Variants in CTBP2 observed in about 807,000 individuals in gnomAD.
CTBP2 encodes the protein C-terminal binding protein 2, also known as C-terminal-binding protein 2.
In CTBP2, 30 loss-of-function variants were observed where a neutral mutation model predicts 80.3. The ratio of observed to expected loss-of-function variants is 0.37; its 90% CI spans 0.28 to 0.51. CTBP2 has a LOEUF of 0.51. CTBP2 is among the 20% of genes least tolerant of loss of function. The pLI, the probability that CTBP2 is intolerant of heterozygous loss-of-function variation, is 0.93. For missense variants in CTBP2, 1,212 were observed against 1,375.3 expected, an observed-to-expected ratio of 0.88 and a Z score of 1.88; for synonymous variants, 594 against 587.4, an observed-to-expected ratio of 1.01 and a Z score of -0.16.
intron 2 of CTBP2, among the ~76,000 whole-genome samples, chr10:125,049,460 C>T (rs1036350725): frequency 3.3e-5 from 5 of 152,198 alleles, no homozygotes; most frequent in African/African-American, 9.6e-5. Context: ...CCCCAGGCAG[C>T]GCCTCTCCAC....
intron 1 of CTBP2, among the ~76,000 whole-genome samples, chr10:125,023,812 AAT>A (rs1228097550): frequency 1.3e-5 from 2 of 152,220 alleles, no homozygotes; most frequent in Non-Finnish European, 2.9e-5. Flanking sequence ...CCGAAAATAA[AAT>A]AGATACTGAA....
At chr10:125,017,437 A>G (rs952647162) in intron 1 of CTBP2, among the ~76,000 whole-genome samples, 1 of 152,164 alleles carries the variant, frequency 6.6e-6, no homozygotes, top group African/African-American at 2.4e-5. Flanking sequence ...GGAAGCTCAG[A>G]GCAGAATTCC....
At chr10:125,107,417 C>T (rs1441124597) in intron 2 of CTBP2, among the ~76,000 whole-genome samples, 1 of 149,930 alleles carries the variant, frequency 6.7e-6, no homozygotes, top group East Asian at 1.9e-4. Context: ...GGGCCACACA[C>T]TGGGACCAGA....
At chr10:125,002,856 C>A in intron 3 of CTBP2, 104 bp downstream of exon 5, 4 of 1,415,464 alleles carry the variant, frequency 2.8e-6, no homozygotes, top group Non-Finnish European at 3.8e-6. Flanking sequence ...CAGCCAGAAG[C>A]GGCTGCTCCG....
At chr10:125,019,934 A>G (rs918928290) in intron 1 of CTBP2, among the ~76,000 whole-genome samples, 12 of 152,002 alleles carry the variant, frequency 7.9e-5, no homozygotes, top group Admixed American at 3.9e-4. Context: ...AAGACCCTCA[A>G]CTCAAGCACT....
At chr10:125,079,616 A>C (rs1373445813) in intron 2 of CTBP2, among the ~76,000 whole-genome samples, 2 of 152,220 alleles carry the variant, frequency 1.3e-5, no homozygotes, top group Non-Finnish European at 2.9e-5. Flanking sequence ...TGGGCCGAGC[A>C]CTAGCATGTC....
chr10:124,998,559 A>C, intron 3 of CTBP2: 3 of 286,836 alleles, frequency 1.0e-5, no homozygotes, highest in East Asian at 8.1e-5. Context: ...TCAGCCTCAA[A>C]CCCCTCAGGG....
chr10:125,100,362 C>T (rs1191433737), intron 2 of CTBP2, among the ~76,000 whole-genome samples: 4 of 152,186 alleles, frequency 2.6e-5, no homozygotes, highest in Non-Finnish European at 5.9e-5. Context: ...GTCACTTGGG[C>T]TCTGGTAAGG....
At chr10:125,020,733 C>G (rs183488434) in intron 1 of CTBP2, among the ~76,000 whole-genome samples, 1 of 152,212 alleles carries the variant, frequency 6.6e-6, no homozygotes, top group East Asian at 1.9e-4. Context: ...CAGCCTGTTA[C>G]GCACAAGGCC....
At chr10:125,128,057 C>CT (rs1456341353) in intron 1 of CTBP2, among the ~76,000 whole-genome samples, 1 of 152,142 alleles carries the variant, frequency 6.6e-6, no homozygotes, top group African/African-American at 2.4e-5. Context: ...GAAGAGCTGG[C>CT]TGCAGCTTCC....
intron 1 of CTBP2, among the ~76,000 whole-genome samples, chr10:125,152,591 T>C (rs1362659982): frequency 6.6e-6 from 1 of 152,018 alleles, no homozygotes; most frequent in African/African-American, 2.4e-5. Context: ...TGAAGATTAA[T>C]GACTGTGAAA....
rs1055620439 is a variant in CTBP2, at chr10:124,986,817, A to G, written c.*2701T>C. 2.0e-5 allele frequency: 3 copies of G among 152,198 alleles called. No homozygotes were observed. The highest frequency in any genetic ancestry group is 4.4e-5 in the Non-Finnish European group (3 of 68,038). 9.4% of individuals were successfully genotyped at this position (152,198 alleles called of 1,614,324 possible). A position where few individuals can be genotyped will look rare whatever the true frequency, so the allele number is the denominator to read the frequency against. On this transcript the variant is annotated 3_prime_UTR_variant, in exon 9 of 9. Coordinates refer to ENST00000309035, the MANE Select transcript of CTBP2 (RefSeq NM_022802.3). The stretch of plus-strand genomic sequence containing the variant: ...CTGTTAAGCAAAATCTGCCCTCCCA[A>G]TTGAAAAAGCCAAAGAGAATTGTTA...
rs1197291356 is a variant in CTBP2 at position 124,987,863 on chromosome 10, A to G, written c.*1655T>C. 2.0e-5 allele frequency: 3 copies of G among 152,230 alleles called. No individual in the cohort carries two copies. The highest frequency in any genetic ancestry group is 1.9e-4 in the East Asian group (1 of 5,198). 9.4% of individuals were successfully genotyped at this position (152,230 alleles called of 1,614,324 possible). On this transcript the variant is annotated 3_prime_UTR_variant, in exon 9 of 9. Transcript: ENST00000309035. ...ACACTTGCAAATACTTTTAGTATAAAGGTTTAATTCTATTTAAAAAGAAGA... is the reference window on the plus strand; with the variant it reads ...ACACTTGCAAATACTTTTAGTATAAGGGTTTAATTCTATTTAAAAAGAAGA...
intron 1 of CTBP2, among the ~76,000 whole-genome samples, chr10:125,007,937 A>C (rs1332576864): frequency 2.0e-5 from 3 of 151,278 alleles, no homozygotes; most frequent in Admixed American, 6.6e-5. Flanking sequence ...TAGGAGGCAA[A>C]GGCTGGCTCT....
At chr10:125,039,633 G>GCAGGGGT (rs1477394874) in intron 2 of CTBP2, among the ~76,000 whole-genome samples, 3 of 152,306 alleles carry the variant, frequency 2.0e-5, no homozygotes, top group Non-Finnish European at 2.9e-5. Flanking sequence ...AAACAGCCGC[G>GCAGGGGT]CAGGGGTCAG....
intron 2 of CTBP2, among the ~76,000 whole-genome samples, chr10:125,085,986 C>T (rs939739073): frequency 2.0e-4 from 30 of 152,348 alleles, no homozygotes; most frequent in Admixed American, 1.9e-3. Context: ...CAGACCTTTC[C>T]CCAGATGCCC....
intron 2 of CTBP2, among the ~76,000 whole-genome samples, chr10:125,069,165 C>T (rs770872993): frequency 6.6e-6 from 1 of 152,164 alleles, no homozygotes; most frequent in Non-Finnish European, 1.5e-5. Context: ...TGACCACCTC[C>T]CCTAATAGCT....
chr10:125,017,635 A>G (rs1336245861), intron 1 of CTBP2, among the ~76,000 whole-genome samples: 1 of 152,240 alleles, frequency 6.6e-6, no homozygotes, highest in Non-Finnish European at 1.5e-5. Flanking sequence ...TAATCACACA[A>G]AAGAATGGCA....
chr10:125,040,428 C>T (rs1436240377), intron 2 of CTBP2, among the ~76,000 whole-genome samples: 1 of 132,528 alleles, frequency 7.5e-6, no homozygotes, highest in African/African-American at 3.0e-5. Context: ...GCACTCCAAC[C>T]TGGTGACAGA....
Sources: allele counts gnomAD v4.1 joint callset (sites outside exome capture counted in the v4.1 genomes callset), GRCh38; gene constraint gnomAD v4.1.1; transcripts MANE v1.5; gene names NCBI Gene and HGNC (gene_info 2026-07-23, HGNC 2026-07-21).